The following EBF2 variants were observed in gnomAD, a reference collection of about 807,000 sequenced individuals.
EBF2 encodes the protein EBF transcription factor 2, also known as transcription factor COE2.
EBF2 carries 21 observed loss-of-function variants against 72.8 expected under a neutral mutation model. That is an observed-to-expected ratio of 0.29 (90% confidence interval 0.20 to 0.42). The LOEUF is 0.42. Among genes scored for constraint, EBF2 ranks in the 10% least tolerant of loss-of-function variants. The pLI is 1.00. For synonymous variants in EBF2, 299 were observed against 274.2 expected, an observed-to-expected ratio of 1.09 and a Z score of -0.89; for missense variants, 637 against 731.2, an observed-to-expected ratio of 0.87 and a Z score of 1.49.
chr8:25,869,470 G>A (rs1167573673), intron 10 of EBF2, among the ~76,000 whole-genome samples: 5 of 152,086 alleles, frequency 3.3e-5, no homozygotes, highest in African/African-American at 1.2e-4. Context: ...GCACAATGAT[G>A]CAAAATTTCT....
At chr8:25,958,392 T>C (rs1158078513) in intron 6 of EBF2, among the ~76,000 whole-genome samples, 1 of 124,446 alleles carries the variant, frequency 8.0e-6, no homozygotes, top group East Asian at 4.6e-4. Context: ...TCATTATGAT[T>C]TCCCCGGCAT....
At position 25,987,656 on chromosome 8, in the gene EBF2, C is replaced by T. The variant is rs557671149; in HGVS notation, c.551+45429G>A. Among the ~76,000 whole-genome samples the T allele has an allele frequency of 5.1e-4, 77 of 152,244 alleles. No individual in the cohort carries two copies. The South Asian group carries it at 0.016, about 31-fold the overall frequency. ...AGATTAAGTTTTATCAAGAATAATA[C>T]AATCAAACCAGAACCCAGGTCTCCT... On this transcript the variant is annotated intron_variant, in intron 6 of 15. Transcript: ENST00000520164.
chr8:26,036,749 G>A (rs1298522258), intron 5 of EBF2, among the ~76,000 whole-genome samples: 1 of 152,102 alleles, frequency 6.6e-6, no homozygotes, highest in African/African-American at 2.4e-5. Context: ...ACTCAATTCT[G>A]CCTTCCCTTT....
intron 14 of EBF2, among the ~76,000 whole-genome samples, chr8:25,855,499 G>A (rs945450574): frequency 1.3e-5 from 2 of 152,166 alleles, no homozygotes; most frequent in Non-Finnish European, 2.9e-5. Context: ...AGTCAAACTT[G>A]ACTAAGAAGC....
At chr8:26,010,489 G>A (rs1213010998) in intron 6 of EBF2, among the ~76,000 whole-genome samples, 2 of 152,166 alleles carry the variant, frequency 1.3e-5, no homozygotes, top group African/African-American at 4.8e-5. Context: ...CAACCATGCA[G>A]AGCTCTCCGT....
chr8:25,986,295 T>C (rs1804456329), intron 6 of EBF2, among the ~76,000 whole-genome samples: 1 of 152,088 alleles, frequency 6.6e-6, no homozygotes, highest in Admixed American at 6.6e-5. Flanking sequence ...CCCAGCTCCT[T>C]CATGAAGCTT....
chr8:25,962,453 CAT>C (rs1435114164), intron 6 of EBF2, among the ~76,000 whole-genome samples: 1 of 151,964 alleles, frequency 6.6e-6, no homozygotes, highest in African/African-American at 2.4e-5. Flanking sequence ...ATTATCCAGA[CAT>C]ATCTGAATCT....
intron 6 of EBF2, among the ~76,000 whole-genome samples, chr8:25,949,579 G>T (rs1803825449): frequency 6.6e-6 from 1 of 152,104 alleles, no homozygotes; most frequent in Admixed American, 6.5e-5. Flanking sequence ...TCTCCATGAG[G>T]TCCTTTTAAA....
At chr8:25,861,611 C>T (rs11986496) in intron 11 of EBF2, among the ~76,000 whole-genome samples, 25,710 of 151,864 alleles carry the variant, frequency 0.17, 2,752 homozygotes, top group African/African-American at 0.3. Flanking sequence ...GATTGTGTTA[C>T]CAAAACAAAA....
intron 10 of EBF2, among the ~76,000 whole-genome samples, chr8:25,867,002 A>G (rs916429774): frequency 6.6e-6 from 1 of 152,170 alleles, no homozygotes; most frequent in South Asian, 2.1e-4. Flanking sequence ...TTTTCTTGGT[A>G]TATATCTAAA....
At chr8:26,005,284 TA>T (rs368405448) in intron 6 of EBF2, among the ~76,000 whole-genome samples, 981 of 2,792 alleles carry the variant, frequency 0.35, 150 homozygotes, top group Non-Finnish European at 0.4. Flanking sequence ...TATAATTATA[TA>T]ATTATATAAT....
chr8:26,003,814 G>A (rs1804780962), intron 6 of EBF2, among the ~76,000 whole-genome samples: 1 of 152,142 alleles, frequency 6.6e-6, no homozygotes, highest in African/African-American at 2.4e-5. Flanking sequence ...CATCCTCTGA[G>A]CCGGACCATT....
At chr8:26,027,873 T>A (rs926569188) in intron 6 of EBF2, among the ~76,000 whole-genome samples, 1 of 152,198 alleles carries the variant, frequency 6.6e-6, no homozygotes, top group Non-Finnish European at 1.5e-5. Context: ...AGATAAGCAC[T>A]ACCTGGTTCC....
At chr8:26,002,840 AGGCAGGCAGGCAGGCG>A (rs138799303) in intron 6 of EBF2, among the ~76,000 whole-genome samples, 8 of 118,958 alleles carry the variant, frequency 6.7e-5, no homozygotes, top group Non-Finnish European at 9.6e-5. Context: ...GCAGGCAGGC[AGGCAGGCAGGCAGGCG>A]GGCAGGCGGG....
chr8:26,038,189 A>G (rs1166948869), intron 5 of EBF2, among the ~76,000 whole-genome samples: 1 of 152,202 alleles, frequency 6.6e-6, no homozygotes, highest in Non-Finnish European at 1.5e-5. Context: ...ACACACACAC[A>G]TGTATGCTGC....
chr8:25,879,744 C>T (rs1802577456), intron 10 of EBF2, among the ~76,000 whole-genome samples: 1 of 152,174 alleles, frequency 6.6e-6, no homozygotes, highest in Non-Finnish European at 1.5e-5. Context: ...GCCATATCTC[C>T]ACTCTTTCAT....
At chr8:25,908,615 G>A in intron 6 of EBF2, 60 bp from the exon 7 acceptor site, 1 of 1,102,040 alleles carries the variant, frequency 9.1e-7, no homozygotes, top group Non-Finnish European at 1.4e-6. Flanking sequence ...GGAGAATATA[G>A]CTGCATTCCA....
chr8:25,992,901 C>CA (rs34274233), intron 6 of EBF2, among the ~76,000 whole-genome samples: 73,300 of 144,366 alleles, frequency 0.51, 19,648 homozygotes, highest in Admixed American at 0.61. Context: ...GGCCTTGTCT[C>CA]AAAAAAAAAA....
chr8:26,018,407 C>G (rs1805148808), intron 6 of EBF2, among the ~76,000 whole-genome samples: 1 of 148,678 alleles, frequency 6.7e-6, no homozygotes, highest in Non-Finnish European at 1.5e-5. Context: ...AATCCCAGCA[C>G]TTTGGGAGGC....
Sources: allele counts gnomAD v4.1 joint callset (sites outside exome capture counted in the v4.1 genomes callset), GRCh38; gene constraint gnomAD v4.1.1; transcripts MANE v1.5; gene names NCBI Gene and HGNC (gene_info 2026-07-23, HGNC 2026-07-21).